The following SASH1 variants were observed in gnomAD, a reference collection of about 807,000 sequenced individuals.
SASH1 encodes the protein SAM and SH3 domain containing 1.
SASH1 carries 44 observed loss-of-function variants against 125.2 expected under a neutral mutation model. The observed-to-expected ratio is 0.35, with a 90% CI of 0.28 to 0.45. SASH1 has a LOEUF of 0.45. Among genes scored for constraint, SASH1 ranks in the 20% least tolerant of loss-of-function variants. The pLI is 1.00. For missense variants in SASH1, 1,426 were observed against 1,614.5 expected (o/e 0.88, Z 2.00); for synonymous variants, 639 against 649.1 (o/e 0.98, Z 0.24).
chr6:148,265,335 G>C, the SASH1 span, among the ~76,000 whole-genome samples: 26 of 150,706 alleles, frequency 1.7e-4, no homozygotes, highest in African/African-American at 6.1e-4. Context: ...GAGGGAAGGA[G>C]GGAGGGAAGG....
At chr6:148,279,141 G>C (rs9403932) in intron 1 of SASH1, among the ~76,000 whole-genome samples, 30,547 of 151,946 alleles carry the variant, frequency 0.2, 3,251 homozygotes, top group Non-Finnish European at 0.24. Context: ...ACAGGCGCAT[G>C]CTGCTATGCC....
chr6:148,353,602 T>G (rs12207842), intron 1 of SASH1, among the ~76,000 whole-genome samples: 2,622 of 151,994 alleles, frequency 0.017, 38 homozygotes, highest in Non-Finnish European at 0.023. Context: ...ACCTGGCTAA[T>G]TTTTGTATTT....
intron 6 of SASH1, among the ~76,000 whole-genome samples, chr6:148,473,367 C>T (rs1282846581): frequency 1.3e-5 from 2 of 152,192 alleles, no homozygotes; most frequent in Non-Finnish European, 2.9e-5. Flanking sequence ...AATTCTCCTG[C>T]TTCAGTCTCC....
rs948235950 is a variant in SASH1, at chr6:148,356,468, A to C, written c.156+13245A>C. ...ATACCCCCAGGAGTGGGATTGCTGC[A>C]TCAAATGGTAGATCTACTTTTAGTT... On this transcript the variant is annotated intron_variant, in intron 1 of 19. Coordinates refer to ENST00000367467, the MANE Select transcript of SASH1 (RefSeq NM_015278.5). 2.1e-5 allele frequency among the ~76,000 whole-genome samples: 3 copies of C among 146,180 alleles called. No individual in the cohort carries two copies. In the Admixed American group the frequency reaches 2.1e-4, roughly 10 times the overall value.
chr6:148,486,603 C>T (rs934656984), intron 7 of SASH1, among the ~76,000 whole-genome samples: 6 of 151,544 alleles, frequency 4.0e-5, no homozygotes, highest in Admixed American at 1.3e-4. Flanking sequence ...TTGAACAAGA[C>T]AAACATGTGA....
At chr6:148,369,262 T>G (rs2114739706) in intron 1 of SASH1, among the ~76,000 whole-genome samples, 1 of 152,356 alleles carries the variant, frequency 6.6e-6, no homozygotes, top group East Asian at 1.9e-4. Flanking sequence ...TTTTGGAAGC[T>G]GGGTTTGTCA....
At chr6:148,343,297 C>G (rs1781405611) in intron 1 of SASH1, 74 bp downstream of exon 1, 7 of 1,451,528 alleles carry the variant, frequency 4.8e-6, no homozygotes, top group Non-Finnish European at 6.5e-6. Context: ...GGGCTCCCTT[C>G]TCGCCCACCC....
At chr6:148,502,545 G>A (rs767536840) in intron 8 of SASH1, among the ~76,000 whole-genome samples, 4 of 152,200 alleles carry the variant, frequency 2.6e-5, no homozygotes, top group Admixed American at 6.5e-5. Flanking sequence ...TCAGTGCAGT[G>A]CCCCTGAGGT....
intron 1 of SASH1, among the ~76,000 whole-genome samples, chr6:148,313,568 TC>T (rs1562319723): frequency 6.6e-6 from 1 of 152,174 alleles, no homozygotes; most frequent in Non-Finnish European, 1.5e-5. Context: ...GTTCTTTGTT[TC>T]TATAAATACA....
the SASH1 span, among the ~76,000 whole-genome samples, chr6:148,246,423 G>A: frequency 6.6e-6 from 1 of 152,130 alleles, no homozygotes; most frequent in Non-Finnish European, 1.5e-5. Context: ...TCTGGGTGTT[G>A]AAAATGATTA....
the SASH1 span, among the ~76,000 whole-genome samples, chr6:148,238,056 C>T: frequency 2.6e-5 from 4 of 152,084 alleles, no homozygotes; most frequent in African/African-American, 9.7e-5. Flanking sequence ...CTGGAATGCT[C>T]TTCCCCATAT....
chr6:148,351,350 C>A (rs952248764), intron 1 of SASH1, among the ~76,000 whole-genome samples: 1 of 151,998 alleles, frequency 6.6e-6, no homozygotes, highest in African/African-American at 2.4e-5. Flanking sequence ...CTAATGTTCT[C>A]TGTGTTCACA....
At chr6:148,340,089 C>T (rs1260545221), upstream of SASH1, among the ~76,000 whole-genome samples, 2 of 152,156 alleles carry the variant, frequency 1.3e-5, no homozygotes, top group Non-Finnish European at 2.9e-5. Flanking sequence ...CCCAACTGCC[C>T]GGCTTGCCTG....
intron 18 of SASH1, among the ~76,000 whole-genome samples, chr6:148,545,041 C>T (rs914505925): frequency 1.1e-4 from 16 of 152,092 alleles, no homozygotes; most frequent in Non-Finnish European, 1.8e-4. Context: ...AAATAACCTG[C>T]ATGAAGACCT....
the SASH1 span, among the ~76,000 whole-genome samples, chr6:148,207,573 A>C: frequency 6.6e-6 from 1 of 152,162 alleles, no homozygotes; most frequent in African/African-American, 2.4e-5. Context: ...CCCTGGGAGG[A>C]GGTATGACAG....
At chr6:148,509,455 G>A (rs951888793) in intron 8 of SASH1, 8 of 155,928 alleles carry the variant, frequency 5.1e-5, no homozygotes, top group South Asian at 2.0e-4. Context: ...ACAGCGTGTC[G>A]TGTGTTTCGA....
chr6:148,293,839 G>A (rs1779697614), intron 1 of SASH1, among the ~76,000 whole-genome samples: 1 of 152,188 alleles, frequency 6.6e-6, no homozygotes, highest in African/African-American at 2.4e-5. Flanking sequence ...AGCCGTCCCG[G>A]GAGGAGGAAA....
At chr6:148,382,910 T>TGACCTAATACGTCCCTCTGG (rs1783202375) in intron 1 of SASH1, among the ~76,000 whole-genome samples, 1 of 152,234 alleles carries the variant, frequency 6.6e-6, no homozygotes, top group East Asian at 1.9e-4. Context: ...GCCATTTGCA[T>TGACCTAATACGTCCCTCTGG]GACCTAATAC....
chr6:148,322,917 T>TCTTTC (rs1452245077), intron 1 of SASH1, among the ~76,000 whole-genome samples: 2 of 126,032 alleles, frequency 1.6e-5, no homozygotes, highest in Admixed American at 8.3e-5. Flanking sequence ...TTTCTTTCTT[T>TCTTTC]TTTCTTTCTC....
Sources: gnomAD v4.1 joint callset for allele counts (sites outside exome capture counted in the v4.1 genomes callset) on GRCh38, gnomAD v4.1.1 for gene constraint, MANE v1.5 for transcripts, NCBI Gene and HGNC (gene_info 2026-07-23, HGNC 2026-07-21) for gene names.